The following STOX2 variants were observed in gnomAD, a reference collection of about 807,000 sequenced individuals.
STOX2 encodes the protein storkhead box 2.
Under a neutral mutation model 60.9 loss-of-function variants are expected in STOX2, and 28 were observed. The observed-to-expected ratio is 0.46, with a 90% CI of 0.34 to 0.63. STOX2 has a LOEUF of 0.63. Among genes scored for constraint, STOX2 ranks in the 30% least tolerant of loss-of-function variants. The pLI is 0.01. For missense variants in STOX2, 1,024 were observed against 1,187.7 expected (o/e 0.86, Z 2.03); for synonymous variants, 472 against 463.9 (o/e 1.02, Z -0.22).
At chr4:183,809,628 A>G (rs1738991946) in intron 1 of STOX2, among the ~76,000 whole-genome samples, 1 of 151,662 alleles carries the variant, frequency 6.6e-6, no homozygotes, top group Non-Finnish European at 1.5e-5. Flanking sequence ...CGATTTCCTG[A>G]CCTCGTGATC....
At chr4:183,891,347 T>C (rs1741205660) in intron 1 of STOX2, among the ~76,000 whole-genome samples, 2 of 134,848 alleles carry the variant, frequency 1.5e-5, no homozygotes, top group Non-Finnish European at 3.2e-5. Flanking sequence ...GGAATATATA[T>C]ATGATGGAAT....
chr4:183,840,888 G>C (rs1739842132), intron 1 of STOX2, among the ~76,000 whole-genome samples: 1 of 152,090 alleles, frequency 6.6e-6, no homozygotes, highest in South Asian at 2.1e-4. Context: ...TTTTTTTTGA[G>C]ACAGGGTCTC....
At chr4:183,910,531 G>A (rs557037929) in intron 1 of STOX2, among the ~76,000 whole-genome samples, 19 of 152,168 alleles carry the variant, frequency 1.2e-4, no homozygotes, top group Non-Finnish European at 2.1e-4. Context: ...GGGGATGGGC[G>A]CCTCTTTATA....
intron 1 of STOX2, among the ~76,000 whole-genome samples, chr4:183,847,628 CCA>C (rs1740017607): frequency 6.6e-6 from 1 of 152,164 alleles, no homozygotes; most frequent in African/African-American, 2.4e-5. Context: ...GTCTTCAAGA[CCA>C]CAATCGAACT....
chr4:183,995,805 C>G (rs1733315040), intron 1 of STOX2, among the ~76,000 whole-genome samples: 2 of 152,350 alleles, frequency 1.3e-5, no homozygotes, highest in South Asian at 4.1e-4. Context: ...TCACCACCAG[C>G]CTGCCCCAGG....
intron 1 of STOX2, among the ~76,000 whole-genome samples, chr4:183,893,580 T>C (rs1361869982): frequency 6.6e-6 from 1 of 152,184 alleles, no homozygotes; most frequent in Non-Finnish European, 1.5e-5. Flanking sequence ...CGGATGGAGA[T>C]ACTCTTATTT....
At chr4:183,854,166 A>G (rs1740232233) in intron 1 of STOX2, among the ~76,000 whole-genome samples, 1 of 152,224 alleles carries the variant, frequency 6.6e-6, no homozygotes, top group Non-Finnish European at 1.5e-5. Flanking sequence ...AGCTTGTGGA[A>G]AGGTCATCGT....
intron 1 of STOX2, among the ~76,000 whole-genome samples, chr4:183,945,266 G>T (rs774360260): frequency 1.2e-4 from 18 of 152,174 alleles, no homozygotes; most frequent in Non-Finnish European, 2.6e-4. Context: ...GAGAATTTCA[G>T]TTGCAGAATT....
intron 1 of STOX2, among the ~76,000 whole-genome samples, chr4:183,871,246 C>T (rs1740682880): frequency 6.6e-6 from 1 of 152,202 alleles, no homozygotes; most frequent in Non-Finnish European, 1.5e-5. Flanking sequence ...GGACTCTCTT[C>T]AGGGAATAAG....
chr4:183,860,442 C>CAAAAAAAAAAAAAAAAAAAAAAAAAAACA (rs35753992), intron 1 of STOX2, among the ~76,000 whole-genome samples: 5 of 121,500 alleles, frequency 4.1e-5, no homozygotes, highest in East Asian at 4.7e-4. Flanking sequence ...AAACAAAAAA[C>CAAAAAAAAAAAAAAAAAAAAAAAAAAACA]AAAAAAAAAA....
At chr4:183,921,406 A>C (rs148397510) in intron 1 of STOX2, among the ~76,000 whole-genome samples, 1 of 152,240 alleles carries the variant, frequency 6.6e-6, no homozygotes, top group Non-Finnish European at 1.5e-5. Flanking sequence ...TTTAGAGTAC[A>C]TTAGATGTAT....
intron 2 of STOX2, among the ~76,000 whole-genome samples, chr4:184,005,118 G>C (rs1388759904): frequency 6.6e-6 from 1 of 152,190 alleles, no homozygotes; most frequent in Admixed American, 6.5e-5. Flanking sequence ...TACAGAACAG[G>C]TCCATGTGCT....
intron 1 of STOX2, among the ~76,000 whole-genome samples, chr4:183,919,421 T>C (rs572373058): frequency 1.3e-5 from 2 of 152,196 alleles, no homozygotes; most frequent in East Asian, 1.9e-4. Flanking sequence ...TCCGCAGTCG[T>C]GGAGTCAGGC....
At chr4:183,902,103 C>A (rs967110981), upstream of STOX2, among the ~76,000 whole-genome samples, 9 of 152,164 alleles carry the variant, frequency 5.9e-5, no homozygotes, top group Non-Finnish European at 8.8e-5. Flanking sequence ...TATGTGCCAA[C>A]CATTGCTAGC....
chr4:183,929,344 T>C (rs1742343218), intron 1 of STOX2, among the ~76,000 whole-genome samples: 2 of 152,162 alleles, frequency 1.3e-5, no homozygotes, highest in East Asian at 3.8e-4. Context: ...CTTTGAATAA[T>C]CCAGTAAAGA....
At chr4:183,958,003 G>T (rs1368136640) in intron 1 of STOX2, among the ~76,000 whole-genome samples, 2 of 151,680 alleles carry the variant, frequency 1.3e-5, no homozygotes, top group African/African-American at 4.9e-5. Context: ...TGGTAGAATG[G>T]TATTTAGAAC....
intron 1 of STOX2, among the ~76,000 whole-genome samples, chr4:183,840,135 G>A (rs774374512): frequency 3.9e-4 from 60 of 152,156 alleles, no homozygotes; most frequent in Middle Eastern, 3.4e-3. Flanking sequence ...GTTTTTCTCC[G>A]CTTTGTTGTG....
chr4:183,923,676 G>T (rs1333542161), intron 1 of STOX2, among the ~76,000 whole-genome samples: 1 of 152,222 alleles, frequency 6.6e-6, no homozygotes, highest in African/African-American at 2.4e-5. Flanking sequence ...TGTGCTATGA[G>T]GTAGTGCTGT....
chr4:183,941,050 T>G (rs763664748), intron 1 of STOX2, among the ~76,000 whole-genome samples: 3 of 152,192 alleles, frequency 2.0e-5, no homozygotes, highest in Non-Finnish European at 4.4e-5. Context: ...AGATCTAGCT[T>G]CTTTTATGTG....
Sources: allele counts gnomAD v4.1 joint callset (sites outside exome capture counted in the v4.1 genomes callset), GRCh38; gene constraint gnomAD v4.1.1; transcripts MANE v1.5; gene names NCBI Gene and HGNC (gene_info 2026-07-23, HGNC 2026-07-21).